Variants in AK5 observed in about 807,000 individuals in gnomAD.
AK5 encodes adenylate kinase isoenzyme 5.
Under a neutral mutation model 69.5 loss-of-function variants are expected in AK5, and 27 were observed. The observed-to-expected ratio is 0.39, with a 90% CI of 0.29 to 0.54. AK5 has a LOEUF of 0.54. AK5 is among the 20% of genes least tolerant of loss of function. AK5 has a pLI of 0.71. For synonymous variants in AK5, 260 were observed against 244.4 expected (o/e 1.06, Z -0.60); for missense variants, 531 against 700.4 (o/e 0.76, Z 2.73).
intron 6 of AK5, among the ~76,000 whole-genome samples, chr1:77,374,471 TA>T (rs67962599): frequency 0.11 from 17,092 of 151,124 alleles, 1,080 homozygotes; most frequent in Middle Eastern, 0.14. Context: ...AGGTCAGGTT[TA>T]GTAATACCCC....
chr1:77,314,936 G>C lies in AK5; in HGVS notation c.699+16989G>C, dbSNP rs1311449358. Reference sequence around the variant, plus strand: ...TCATTTAACAACAGATATTTATTGAGATGCTATCATGTTCTAGGCTATTGT... The same window carrying C: ...TCATTTAACAACAGATATTTATTGACATGCTATCATGTTCTAGGCTATTGT... On this transcript the variant is annotated intron_variant, in intron 5 of 13. Transcript: ENST00000354567. The C allele has an allele frequency of 1.3e-5, 2 of 152,062 alleles. 1 individual carries two copies. Among genetic ancestry groups the C allele is most frequent in the African/African-American group, 4.8e-5 (2 of 41,362 alleles). The allele number at this position is 152,062 out of a possible 1,614,324, so 9.4% of individuals were successfully genotyped here.
At chr1:77,507,330 C>T (rs760735463) in intron 10 of AK5, among the ~76,000 whole-genome samples, 33 of 146,856 alleles carry the variant, frequency 2.2e-4, no homozygotes, top group Non-Finnish European at 4.5e-4. Flanking sequence ...TACCAGGACA[C>T]AGTTGGCCCT....
intron 12 of AK5, among the ~76,000 whole-genome samples, chr1:77,529,334 G>GCTTTTTTTTTTT (rs1658449301): frequency 7.2e-6 from 1 of 138,032 alleles, no homozygotes; most frequent in African/African-American, 2.7e-5. Flanking sequence ...CGTTTTATAG[G>GCTTTTTTTTTTT]TTTTTTTTTT....
intron 10 of AK5, among the ~76,000 whole-genome samples, chr1:77,508,831 C>T (rs559176828): frequency 6.7e-6 from 1 of 149,698 alleles, no homozygotes; most frequent in African/African-American, 2.5e-5. Context: ...CATGCCATTG[C>T]ACTCCAGCCT....
chr1:77,541,818 C>T (rs769608303), intron 13 of AK5, among the ~76,000 whole-genome samples: 2 of 152,208 alleles, frequency 1.3e-5, no homozygotes, highest in African/African-American at 4.8e-5. Context: ...ATTACCACGG[C>T]ACTCTGATTC....
At chr1:77,528,447 T>C (rs1658402668) in intron 12 of AK5, among the ~76,000 whole-genome samples, 1 of 152,180 alleles carries the variant, frequency 6.6e-6, no homozygotes. Flanking sequence ...GCTGACACTT[T>C]TGCATACCTG....
intron 6 of AK5, among the ~76,000 whole-genome samples, chr1:77,365,232 G>A (rs1378397719): frequency 1.3e-5 from 2 of 152,126 alleles, no homozygotes; most frequent in East Asian, 1.9e-4. Context: ...CCGCTGTGGA[G>A]ATGTTTGAGT....
chr1:77,363,549 C>A (rs1646901424), intron 6 of AK5, among the ~76,000 whole-genome samples: 1 of 152,146 alleles, frequency 6.6e-6, no homozygotes, highest in Non-Finnish European at 1.5e-5. Flanking sequence ...AAAGTCATTC[C>A]CATGTCCCAG....
At chr1:77,535,412 C>G (rs1468456863) in intron 12 of AK5, among the ~76,000 whole-genome samples, 1 of 152,180 alleles carries the variant, frequency 6.6e-6, no homozygotes, top group East Asian at 1.9e-4. Flanking sequence ...TCACCTGACA[C>G]AGTACAGGCA....
intron 6 of AK5, among the ~76,000 whole-genome samples, chr1:77,401,946 A>T (rs1248143194): frequency 6.6e-6 from 1 of 152,184 alleles, no homozygotes; most frequent in African/African-American, 2.4e-5. Context: ...TCTTATATTA[A>T]ATGACATAAA....
chr1:77,335,802 T>C (rs1022749953), intron 5 of AK5, among the ~76,000 whole-genome samples: 1 of 152,174 alleles, frequency 6.6e-6, no homozygotes, highest in Non-Finnish European at 1.5e-5. Context: ...GTTATTTATC[T>C]ATTTATCCAG....
intron 8 of AK5, among the ~76,000 whole-genome samples, chr1:77,471,935 A>C (rs1335587704): frequency 1.3e-5 from 2 of 152,216 alleles, no homozygotes; most frequent in African/African-American, 4.8e-5. Flanking sequence ...AAGCTCTACA[A>C]ACATGCTGAG....
At chr1:77,313,587 C>G (rs1220866458) in intron 5 of AK5, among the ~76,000 whole-genome samples, 1 of 152,048 alleles carries the variant, frequency 6.6e-6, no homozygotes, top group Non-Finnish European at 1.5e-5. Context: ...CTCCCTAGCC[C>G]GGCCCTCTCT....
At chr1:77,389,441 A>G (rs1244044986) in intron 6 of AK5, among the ~76,000 whole-genome samples, 3 of 152,204 alleles carry the variant, frequency 2.0e-5, no homozygotes, top group African/African-American at 4.8e-5. Flanking sequence ...AGGCTGCCTG[A>G]AACAGGAGAA....
In AK5 at chr1:77,559,947, A is replaced by G. The variant is rs770616412; in HGVS notation, c.*1277A>G. The G allele has an allele frequency of 6.6e-6, 1 of 152,594 alleles. No individual in the cohort carries two copies. Among genetic ancestry groups the G allele is most frequent in the Non-Finnish European group, 1.5e-5 (1 of 68,044 alleles). The allele number at this position is 152,594 out of a possible 1,614,324, so 9.5% of individuals were successfully genotyped here. A position where few individuals can be genotyped will look rare whatever the true frequency, so the allele number is the denominator to read the frequency against. The stretch of plus-strand genomic sequence containing the variant: ...TTTCTTGAAATGGATATGTACAAAT[A>G]AAATAAATGGAAGACAGGATAACTC... On this transcript the variant is annotated 3_prime_UTR_variant, in exon 14 of 14. Transcript: ENST00000354567.
chr1:77,468,650 T>C (rs10782651), intron 8 of AK5, among the ~76,000 whole-genome samples: 60,383 of 152,176 alleles, frequency 0.4, 12,542 homozygotes, highest in Middle Eastern at 0.52. Flanking sequence ...TGATGGACTT[T>C]CAGAAGTAGA....
intron 5 of AK5, among the ~76,000 whole-genome samples, chr1:77,332,564 T>C (rs1025776735): frequency 1.3e-5 from 2 of 150,416 alleles, no homozygotes; most frequent in East Asian, 3.9e-4. Context: ...TTAATTTCTA[T>C]ACATGGGGAT....
chr1:77,409,248 G>A (rs1649872609), intron 6 of AK5, among the ~76,000 whole-genome samples: 1 of 152,182 alleles, frequency 6.6e-6, no homozygotes, highest in African/African-American at 2.4e-5. Flanking sequence ...CTTTATGGGA[G>A]AATGGTTTAT....
intron 7 of AK5, 44 bp downstream of exon 7, chr1:77,411,115 T>G (rs776269192): frequency 6.6e-7 from 1 of 1,526,394 alleles, no homozygotes; most frequent in South Asian, 1.2e-5. Context: ...CGTGATCACC[T>G]GCCAAATGTC....
Sources: gnomAD v4.1 joint callset for allele counts (sites outside exome capture counted in the v4.1 genomes callset) on GRCh38, gnomAD v4.1.1 for gene constraint, MANE v1.5 for transcripts, NCBI Gene and HGNC (gene_info 2026-07-23, HGNC 2026-07-21) for gene names.